Variants in VSIR observed in about 807,000 individuals in gnomAD.
VSIR encodes the protein V-type immunoglobulin domain-containing suppressor of T-cell activation.
A neutral mutation model predicts 31.0 loss-of-function variants in VSIR; 10 were observed. The ratio of observed to expected loss-of-function variants is 0.32; its 90% CI spans 0.20 to 0.55. VSIR has a LOEUF of 0.55. Among genes scored for constraint, VSIR ranks in the 20% least tolerant of loss-of-function variants. The pLI, the probability that VSIR is intolerant of heterozygous loss-of-function variation, is 0.93. For missense variants in VSIR, 356 were observed against 416.2 expected, an observed-to-expected ratio of 0.86 and a Z score of 1.26; for synonymous variants, 179 against 180.1, an observed-to-expected ratio of 0.99 and a Z score of 0.05.
rs1839902821 is a variant in VSIR, at chr10:71,748,212, AC to A, written c.*3040del. 6.6e-6 allele frequency: 1 copy of A among 151,498 alleles called. No homozygotes were observed. The highest frequency in any genetic ancestry group is 1.5e-5 in the Non-Finnish European group (1 of 67,986). The allele number at this position is 151,498 out of a possible 1,614,324, so 9.4% of individuals were successfully genotyped here. ...TGTCCCACTGCACACTCCCAAGTCC[AC>A]CCCGCGAGGAGCACCCCCTGAAAAA... On this transcript the variant is annotated 3_prime_UTR_variant, in exon 7 of 7. Coordinates refer to ENST00000394957, the MANE Select transcript of VSIR (RefSeq NM_022153.2).
chr10:71,751,289 G>T lies in VSIR; in HGVS notation c.900C>A (p.Asp300Glu), dbSNP rs774317917. ...CAAAGTTTGGAGAGTCAGGGACAGG[G>T]TCTGCAAGAAAAGGAGAAGCAAAGT... ...GPGDVFFPSLDPVPDSPNFEV... is the reference protein window; with the variant it reads ...GPGDVFFPSLEPVPDSPNFEV... The change falls in exon 7 of 7, where the codon GAC becomes GAA. Residue 300 changes from aspartate (D) to glutamate (E), a missense_variant and splice_region_variant. By Grantham distance (45) the Asp-to-Glu change is conservative. Coordinates refer to ENST00000394957, the MANE Select transcript of VSIR (RefSeq NM_022153.2). The surrounding 1 kb of genome is among the most constrained non-coding windows in gnomAD (Gnocchi z 4.9). 5.0e-6 allele frequency: 8 copies of T among 1,610,100 alleles called. No individual in the cohort carries two copies. The South Asian group carries it at 8.9e-5, about 18-fold the overall frequency.
intron 1 of VSIR, among the ~76,000 whole-genome samples, chr10:71,768,302 C>G (rs1299258584): frequency 6.6e-6 from 1 of 152,148 alleles, no homozygotes; most frequent in Non-Finnish European, 1.5e-5. Flanking sequence ...TCCCGAGTAG[C>G]TGGGACTACA....
chr10:71,773,265 A>G, intron 1 of VSIR, 93 bp downstream of exon 1: 1 of 1,372,826 alleles, frequency 7.3e-7, no homozygotes, highest in Non-Finnish European at 1.0e-6. Context: ...ACAGGCTGAG[A>G]GGGCCCCCAG....
intron 3 of VSIR, among the ~76,000 whole-genome samples, chr10:71,755,774 C>T (rs1840127205): frequency 1.3e-5 from 2 of 152,192 alleles, no homozygotes; most frequent in Non-Finnish European, 2.9e-5. Context: ...ACAGCTGGAA[C>T]ACCCTTGGCT....
At chr10:71,772,480 G>A (rs1840708255) in intron 1 of VSIR, among the ~76,000 whole-genome samples, 1 of 152,238 alleles carries the variant, frequency 6.6e-6, no homozygotes, top group African/African-American at 2.4e-5. Context: ...TAGGCAACCA[G>A]GCCATGGGTA....
intron 1 of VSIR, among the ~76,000 whole-genome samples, chr10:71,764,159 G>A (rs1221036050): frequency 6.6e-6 from 1 of 152,222 alleles, no homozygotes; most frequent in African/African-American, 2.4e-5. Flanking sequence ...CTCAAAGCCT[G>A]GAGCATGGGG....
Position 71,751,152 on chromosome 10 carries a change from G to C in VSIR, c.*101C>G. On this transcript the variant is annotated 3_prime_UTR_variant, in exon 7 of 7. Coordinates refer to ENST00000394957, the MANE Select transcript of VSIR (RefSeq NM_022153.2). The surrounding 1 kb of genome is among the most constrained non-coding windows in gnomAD (Gnocchi z 4.9). ...ATCTGAGCCCAGAGCAGGAGGGAGGGAACCAGGGCCGAGGCCAAGGAGGCC... is the reference window on the plus strand; with the variant it reads ...ATCTGAGCCCAGAGCAGGAGGGAGGCAACCAGGGCCGAGGCCAAGGAGGCC... 1 of 1,379,178 alleles carries C rather than the reference G, an allele frequency of 7.3e-7. No individual in the cohort carries two copies. The highest frequency in any genetic ancestry group is 2.0e-4 in the Middle Eastern group (1 of 5,082). The allele number at this position is 1,379,178 out of a possible 1,614,324, so 85.4% of individuals were successfully genotyped here.
At chr10:71,770,952 G>C (rs1840670491) in intron 1 of VSIR, among the ~76,000 whole-genome samples, 1 of 152,218 alleles carries the variant, frequency 6.6e-6, no homozygotes, top group African/African-American at 2.4e-5. Context: ...CCTCTGGGCA[G>C]TGGGTTGTGG....
chr10:71,761,704 G>T lies in VSIR; in HGVS notation c.405C>A (p.Asn135Lys). The change falls in exon 2 of 7, where the codon AAC (asparagine) becomes AAA (lysine). Residue 135 changes from asparagine to lysine, a missense_variant. This residue lies in a region of VSIR where 166 missense variants were observed against 231.0 expected (regional missense o/e 0.72). Coordinates refer to ENST00000394957, the MANE Select transcript of VSIR (RefSeq NM_022153.2). ...AGAGGCCGCTATCCAGCAGGGTCAG[G>T]TTGCGCATGGTGATGGAGAAGTTGC... ...HHGNFSITMR[N>K]LTLLDSGLYC... The T allele has an allele frequency of 6.2e-7, 1 of 1,614,084 alleles. No homozygotes were observed. The highest frequency in any genetic ancestry group is 1.3e-5 in the African/African-American group (1 of 75,056).
chr10:71,765,711 C>T (rs1461738312), intron 1 of VSIR, among the ~76,000 whole-genome samples: 2 of 152,080 alleles, frequency 1.3e-5, no homozygotes, highest in African/African-American at 4.8e-5. Context: ...TGCTCAATCC[C>T]CCACACCTCC....
In VSIR at chr10:71,773,504, G is replaced by A. The variant is rs1430860991; in HGVS notation, c.-65C>T. ...AGCGGGCGGGACGCGGCCGGCGCGG[G>A]GAAGCCTCCCGCGACTGAGTGCGAG... On this transcript the variant is annotated 5_prime_UTR_variant, in exon 1 of 7. Coordinates refer to ENST00000394957, the MANE Select transcript of VSIR (RefSeq NM_022153.2). 6 of 1,492,592 alleles carry A rather than the reference G, an allele frequency of 4.0e-6. No individual in the cohort carries two copies. The highest frequency in any genetic ancestry group is 4.0e-5 in the Admixed American group (2 of 50,488). The allele number at this position is 1,492,592 out of a possible 1,614,324, so 92.5% of individuals were successfully genotyped here.
Position 71,751,038 on chromosome 10 carries a change from C to T in VSIR, c.*215G>A. ...TCTCTAGGGGAGAATCTCAGCACCCCAAAATCCTTGGAACAGGGGCTGAGC... is the reference window on the plus strand; with the variant it reads ...TCTCTAGGGGAGAATCTCAGCACCCTAAAATCCTTGGAACAGGGGCTGAGC... On this transcript the variant is annotated 3_prime_UTR_variant, in exon 7 of 7. Coordinates refer to ENST00000394957, the MANE Select transcript of VSIR (RefSeq NM_022153.2). This position sits in a 1 kb window ranked among gnomAD's most constrained non-coding sequence, Gnocchi z 4.9. 1.8e-6 allele frequency: 1 copy of T among 547,196 alleles called. No homozygotes were observed. Among genetic ancestry groups the T allele is most frequent in the Non-Finnish European group, 3.2e-6 (1 of 310,756 alleles). The allele number at this position is 547,196 out of a possible 1,614,324, so 33.9% of individuals were successfully genotyped here.
At chr10:71,752,122 C>A in intron 5 of VSIR, 1 of 632,030 alleles carries the variant, frequency 1.6e-6, no homozygotes, top group Non-Finnish European at 2.9e-6. Context: ...ACCATCAACC[C>A]CGGGCACAGC....
chr10:71,766,729 ACAGACT>A (rs1167628304), intron 1 of VSIR, among the ~76,000 whole-genome samples: 2 of 152,142 alleles, frequency 1.3e-5, no homozygotes, highest in Non-Finnish European at 2.9e-5. Flanking sequence ...AGATGAGGAA[ACAGACT>A]CAGAGAAGTG....
chr10:71,760,607 T>A, intron 3 of VSIR: 1 of 440,314 alleles, frequency 2.3e-6, no homozygotes, highest in Admixed American at 3.7e-5. Context: ...GCACTTGCCC[T>A]GGCCAAAGGT....
intron 3 of VSIR, among the ~76,000 whole-genome samples, chr10:71,757,096 C>T (rs10999985): frequency 0.082 from 12,483 of 152,280 alleles, 776 homozygotes; most frequent in East Asian, 0.29. Flanking sequence ...ACCCAGACAC[C>T]TCAGTATTTC....
intron 1 of VSIR, among the ~76,000 whole-genome samples, chr10:71,767,044 T>C (rs1401405562): frequency 6.6e-6 from 1 of 152,258 alleles, no homozygotes; most frequent in African/African-American, 2.4e-5. Context: ...GCTGTGGGGA[T>C]GCAGAGTTCC....
intron 3 of VSIR, among the ~76,000 whole-genome samples, chr10:71,760,010 T>TACACACACACATATATAC (rs1564779604): frequency 5.6e-4 from 54 of 96,556 alleles, no homozygotes; most frequent in African/African-American, 2.1e-3. Context: ...TACATATATA[T>TACACACACACATATATAC]ACACACACAC....
intron 4 of VSIR, chr10:71,753,809 G>C: frequency 2.2e-6 from 1 of 456,464 alleles, no homozygotes; most frequent in Non-Finnish European, 4.4e-6. Flanking sequence ...AACAAACACA[G>C]GGAAGTTACC....
Sources: gnomAD v4.1 joint callset for allele counts (sites outside exome capture counted in the v4.1 genomes callset) on GRCh38, gnomAD v4.1.1 for gene constraint, gnomAD v4.1.1 regional missense constraint, Gnocchi (gnomAD v3.1) non-coding constraint, MANE v1.5 for transcripts, NCBI Gene and HGNC (gene_info 2026-07-23, HGNC 2026-07-21) for gene names.